The following TMEM132D variants were observed in gnomAD, a reference collection of about 807,000 sequenced individuals.
TMEM132D encodes the protein mature OL transmembrane protein.
Under a neutral mutation model 62.3 loss-of-function variants are expected in TMEM132D, and 21 were observed. The ratio of observed to expected loss-of-function variants is 0.34; its 90% CI spans 0.24 to 0.49. TMEM132D has a LOEUF of 0.49. TMEM132D is among the 20% of genes least tolerant of loss of function. The probability of loss-of-function intolerance (pLI) is 0.99; values close to 1 mark genes in which losing one functional copy is unlikely to be tolerated. For missense variants in TMEM132D, 1,346 were observed against 1,402.8 expected, an observed-to-expected ratio of 0.96 and a Z score of 0.65; for synonymous variants, 621 against 575.6, an observed-to-expected ratio of 1.08 and a Z score of -1.13.
chr12:129,864,796 C>T (rs1874007732), intron 1 of TMEM132D, among the ~76,000 whole-genome samples: 1 of 152,156 alleles, frequency 6.6e-6, no homozygotes, highest in South Asian at 2.1e-4. Flanking sequence ...TACTCAATGC[C>T]CCCTGACACT....
At chr12:129,446,259 G>T (rs949271681) in intron 3 of TMEM132D, among the ~76,000 whole-genome samples, 1 of 152,178 alleles carries the variant, frequency 6.6e-6, no homozygotes, top group Non-Finnish European at 1.5e-5. Flanking sequence ...GGCACTGTTA[G>T]AGAGGATGTG....
chr12:129,878,575 G>C (rs1020857292), intron 1 of TMEM132D, among the ~76,000 whole-genome samples: 2 of 106,580 alleles, frequency 1.9e-5, no homozygotes, highest in African/African-American at 3.1e-5. Context: ...GTCTGCTGCA[G>C]ATTGCTTTTT....
rs756638765 is a variant in TMEM132D at position 129,337,652 on chromosome 12, T to C, written c.1281A>G (p.Gly427=). The change falls in exon 4 of 9, where the codon GGA becomes GGG. Residue 427 remains glycine, a synonymous_variant. Coordinates refer to ENST00000422113, the MANE Select transcript of TMEM132D (RefSeq NM_133448.3). Reference sequence around the variant, plus strand: ...TGCTTACCATAGCCAGCGGCACAACTCCAATCAAGTCCTTTGGGCTCACAT... The same window carrying C: ...TGCTTACCATAGCCAGCGGCACAACCCCAATCAAGTCCTTTGGGCTCACAT... The part of the protein sequence containing the change: ...KIYVSPKDLI[G]VVPLAMEAEI... The C allele has an allele frequency of 1.2e-6, 2 of 1,613,190 alleles. No homozygotes were observed. The highest frequency in any genetic ancestry group is 1.7e-6 in the Non-Finnish European group (2 of 1,179,494).
At chr12:129,409,076 G>A (rs1871886652) in intron 3 of TMEM132D, among the ~76,000 whole-genome samples, 9 of 151,980 alleles carry the variant, frequency 5.9e-5, no homozygotes, top group Admixed American at 4.6e-4. Context: ...GGGATTACAC[G>A]CACCCACCAC....
At position 129,829,325 on chromosome 12, in the gene TMEM132D, C is replaced by T. The variant is rs115672928; in HGVS notation, c.79+73936G>A. ...GAGGCATCACCCCAGAAAGGGACAT[C>T]TCCTTCCTCTTCCTCTTCCTCTTCC... is the stretch of plus-strand genomic sequence containing the variant. On this transcript the variant is annotated intron_variant, in intron 1 of 8. Transcript: ENST00000422113. Among the ~76,000 whole-genome samples, 854 of 152,254 alleles carry T rather than the reference C, an allele frequency of 5.6e-3. 8 individuals are homozygous for T. Among genetic ancestry groups the T allele is most frequent in the African/African-American group, 0.019 (784 of 41,546 alleles).
intron 3 of TMEM132D, among the ~76,000 whole-genome samples, chr12:129,416,266 C>A (rs1442183730): frequency 6.6e-6 from 1 of 152,114 alleles, no homozygotes. Context: ...TGAAGAGGTC[C>A]TTCATGTCCC....
intron 1 of TMEM132D, among the ~76,000 whole-genome samples, chr12:129,787,943 T>A (rs577193399): frequency 6.6e-6 from 1 of 152,278 alleles, no homozygotes; most frequent in African/African-American, 2.4e-5. Context: ...GAGGGCAGGC[T>A]GGACAAGGCA....
intron 3 of TMEM132D, among the ~76,000 whole-genome samples, chr12:129,475,758 A>G (rs1874236107): frequency 6.6e-6 from 1 of 152,240 alleles, no homozygotes; most frequent in African/African-American, 2.4e-5. Flanking sequence ...GCTGCAGGAC[A>G]CAGTGAAGGG....
At chr12:129,119,112 CT>C (rs1875983917) in intron 5 of TMEM132D, among the ~76,000 whole-genome samples, 1 of 152,180 alleles carries the variant, frequency 6.6e-6, no homozygotes, top group African/African-American at 2.4e-5. Flanking sequence ...TAAGAGAATG[CT>C]GCTGAGACCA....
chr12:129,383,093 C>T (rs1437319334), intron 3 of TMEM132D, among the ~76,000 whole-genome samples: 1 of 152,214 alleles, frequency 6.6e-6, no homozygotes, highest in African/African-American at 2.4e-5. Context: ...CATTACAGAG[C>T]TGTGGAGTCC....
At chr12:129,439,537 C>T (rs1872881743) in intron 3 of TMEM132D, among the ~76,000 whole-genome samples, 1 of 152,204 alleles carries the variant, frequency 6.6e-6, no homozygotes, top group South Asian at 2.1e-4. Flanking sequence ...ACAACCTCCC[C>T]CTCCTGGGTT....
intron 2 of TMEM132D, among the ~76,000 whole-genome samples, chr12:129,675,048 C>A (rs1387244256): frequency 6.6e-6 from 1 of 151,972 alleles, no homozygotes; most frequent in East Asian, 1.9e-4. Flanking sequence ...TCTTTAGAGC[C>A]AAATAAGCTT....
chr12:129,255,548 A>C (rs1393800535), intron 4 of TMEM132D, among the ~76,000 whole-genome samples: 1 of 152,238 alleles, frequency 6.6e-6, no homozygotes, highest in Non-Finnish European at 1.5e-5. Flanking sequence ...AATAATAAAT[A>C]ATTTTAATGC....
intron 1 of TMEM132D, among the ~76,000 whole-genome samples, chr12:129,724,527 TTG>T (rs1300127985): frequency 4.6e-5 from 7 of 152,288 alleles, no homozygotes; most frequent in African/African-American, 1.7e-4. Context: ...GTTTCTGTTT[TTG>T]TTTTTGTTTT....
chr12:129,440,223 C>T (rs994347154), intron 3 of TMEM132D, among the ~76,000 whole-genome samples: 6 of 152,156 alleles, frequency 3.9e-5, no homozygotes, highest in Non-Finnish European at 7.3e-5. Flanking sequence ...TCCATGATAA[C>T]ATGAAAGTGG....
rs4315218 is a variant in TMEM132D, at chr12:129,171,759, C to A, written c.1443+37761G>T. On this transcript the variant is annotated intron_variant, in intron 5 of 8. Coordinates refer to ENST00000422113, the MANE Select transcript of TMEM132D (RefSeq NM_133448.3). ...AAATCTTTTCTTCTGAGAAGTAGAT[C>A]TCAACAGGTAGGCTTAAAATATTTA... Among the ~76,000 whole-genome samples the A allele has an allele frequency of 4.9e-3, 745 of 152,286 alleles. 20 individuals are homozygous for A. Among genetic ancestry groups the A allele is most frequent in the Admixed American group, 0.038 (578 of 15,282 alleles).
intron 5 of TMEM132D, among the ~76,000 whole-genome samples, chr12:129,093,482 G>A (rs1188252019): frequency 6.6e-6 from 1 of 152,152 alleles, no homozygotes; most frequent in African/African-American, 2.4e-5. Flanking sequence ...TACAAGGGAT[G>A]TGAAGGATCT....
At chr12:129,437,870 C>T (rs1009987301) in intron 3 of TMEM132D, among the ~76,000 whole-genome samples, 2 of 151,276 alleles carry the variant, frequency 1.3e-5, no homozygotes, top group African/African-American at 4.9e-5. Context: ...GGTATTTCTC[C>T]TAATGCTATC....
chr12:129,077,584 G>A (rs991927658), intron 8 of TMEM132D, among the ~76,000 whole-genome samples: 1 of 150,954 alleles, frequency 6.6e-6, no homozygotes, highest in Non-Finnish European at 1.5e-5. Context: ...ACATATACAT[G>A]CACACAGGCA....
Sources: gnomAD v4.1 joint callset for allele counts (sites outside exome capture counted in the v4.1 genomes callset) on GRCh38, gnomAD v4.1.1 for gene constraint, MANE v1.5 for transcripts, NCBI Gene and HGNC (gene_info 2026-07-23, HGNC 2026-07-21) for gene names.